Variants in CC2D2A observed in about 807,000 individuals in gnomAD.
The protein encoded by CC2D2A is coiled-coil and C2 domain-containing protein 2A.
In CC2D2A, 155 loss-of-function variants were observed where a neutral mutation model predicts 212.9. The ratio of observed to expected loss-of-function variants is 0.73; its 90% CI spans 0.64 to 0.83. The LOEUF is 0.83. Among genes scored for constraint, CC2D2A ranks in the 40% least tolerant of loss-of-function variants. The pLI, the probability that CC2D2A is intolerant of heterozygous loss-of-function variation, is 0.00. For synonymous variants in CC2D2A, 667 were observed against 686.5 expected, an observed-to-expected ratio of 0.97 and a Z score of 0.44; for missense variants, 1,856 against 1,956.2, an observed-to-expected ratio of 0.95 and a Z score of 0.97.
At position 15,537,933 on chromosome 4, in the gene CC2D2A, A is replaced by C. The variant is rs779393473; in HGVS notation, c.1799A>C (p.Glu600Ala). ...AAGAAGAAAAGGAAACAAGCAGCAG[A>C]AGAACATCCCGGTGATGAGATTGCA... ...AKKKKRKQAAEEHPGDEIAEP... is the reference protein window; with the variant it reads ...AKKKKRKQAAAEHPGDEIAEP... Residue 600 changes from glutamate (E) to alanine (A), a missense_variant, in exon 16 of 37, where the codon GAA (glutamate) becomes GCA (alanine). Glu to Ala is a moderately radical substitution (Grantham distance 107, BLOSUM62 -1). Transcript: ENST00000424120. 18 of 1,607,992 alleles carry C rather than the reference A, an allele frequency of 1.1e-5. No individual in the cohort carries two copies. The Admixed American group carries it at 1.5e-4, about 14-fold the overall frequency.
At chr4:15,567,114 C>T (rs570467185) in intron 24 of CC2D2A, among the ~76,000 whole-genome samples, 3 of 152,082 alleles carry the variant, frequency 2.0e-5, no homozygotes, top group East Asian at 3.9e-4. Flanking sequence ...AAAACCACAT[C>T]TTTACTAAAA....
chr4:15,586,299 T>C (rs991386218), intron 31 of CC2D2A, 53 bp downstream of exon 31: 7 of 1,107,006 alleles, frequency 6.3e-6, no homozygotes, highest in Non-Finnish European at 9.0e-6. Flanking sequence ...TAATGAAATA[T>C]TAGCTAACTG....
rs569279602 is a variant in CC2D2A, at chr4:15,555,569, T to C, written c.2625+359T>C. On this transcript the variant is annotated intron_variant, in intron 20 of 36. Transcript: ENST00000424120. ...GTCTGGGCAACATGGCGAAACCCTA[T>C]CTCTGCAAAAAATGTAAAAATGTGC... Among the ~76,000 whole-genome samples, 3 of 152,232 alleles carry C rather than the reference T, an allele frequency of 2.0e-5. No individual in the cohort carries two copies. In the South Asian group the frequency reaches 6.2e-4, roughly 32 times the overall value.
At chr4:15,510,039 G>A in intron 6 of CC2D2A, 100 bp from the exon 7 acceptor site, 1 of 851,048 alleles carries the variant, frequency 1.2e-6, no homozygotes. Context: ...GCAGCAGTCA[G>A]AAGATAAGCC....
chr4:15,574,059 A>C, intron 28 of CC2D2A, 91 bp from the exon 29 acceptor site: 1 of 1,157,454 alleles, frequency 8.6e-7, no homozygotes, highest in Non-Finnish European at 1.2e-6. Flanking sequence ...ATTTTGGTTC[A>C]ATTTATTAAA....
chr4:15,553,724 G>T (rs1436833934), intron 19 of CC2D2A, among the ~76,000 whole-genome samples: 7 of 152,120 alleles, frequency 4.6e-5, no homozygotes, highest in Non-Finnish European at 1.5e-5. Context: ...CTCCTCCCTT[G>T]ATCGCTATAT....
intron 8 of CC2D2A, among the ~76,000 whole-genome samples, chr4:15,512,876 C>T (rs916270268): frequency 3.3e-5 from 5 of 150,956 alleles, no homozygotes; most frequent in South Asian, 2.1e-4. Flanking sequence ...TACTTGAACA[C>T]GAGAGGCAGA....
chr4:15,563,501 C>T lies in CC2D2A; in HGVS notation c.3161C>T (p.Pro1054Leu). Residue 1054 changes from proline to leucine, a missense_variant, in exon 24 of 37, where the codon CCA becomes CTA. Pro to Leu is a moderately conservative substitution (Grantham distance 98, BLOSUM62 -3). This residue lies in a region of CC2D2A where 1,512 missense variants were observed against 1,579.3 expected (regional missense o/e 0.96). Coordinates refer to ENST00000424120, the MANE Select transcript of CC2D2A (RefSeq NM_001378615.1). ...AACATTGTGCGAGCTTACGACATTC[C>T]AGTGAGGAAGCCGGCAGTGAGGTGA... Reference protein sequence around the residue: ...LVNIVRAYDIPVRKPAVSKFQ... With the variant: ...LVNIVRAYDILVRKPAVSKFQ... The T allele has an allele frequency of 6.2e-7, 1 of 1,612,208 alleles. No homozygotes were observed. The highest frequency in any genetic ancestry group is 1.3e-5 in the African/African-American group (1 of 75,008).
rs200726469 is a variant in CC2D2A at position 15,481,744 on chromosome 4, A to C, written c.247+917A>C. ...CAGTCTCAGATATTCCTTTATAGCA[A>C]TGCAAAATGGACTAACAATACATAA... is the stretch of plus-strand genomic sequence containing the variant. On this transcript the variant is annotated intron_variant, in intron 4 of 36. Transcript: ENST00000424120. 1.1e-5 allele frequency: 11 copies of C among 970,888 alleles called. No individual in the cohort carries two copies. In the East Asian group the frequency reaches 1.0e-3, roughly 91 times the overall value. 60.1% of individuals were successfully genotyped at this position (970,888 alleles called of 1,614,324 possible).
At chr4:15,487,119 C>G (rs1271355322) in intron 4 of CC2D2A, among the ~76,000 whole-genome samples, 1 of 152,056 alleles carries the variant, frequency 6.6e-6, no homozygotes, top group Non-Finnish European at 1.5e-5. Context: ...GTGTATTCTG[C>G]AGCTGTTGGA....
At chr4:15,567,615 T>C in intron 25 of CC2D2A, 62 bp from the exon 26 acceptor site, 3 of 1,375,616 alleles carry the variant, frequency 2.2e-6, no homozygotes, top group Non-Finnish European at 3.0e-6. Flanking sequence ...TACTCTATTT[T>C]TGCTAAGAAT....
At chr4:15,510,851 A>C (rs567088700) in intron 7 of CC2D2A, among the ~76,000 whole-genome samples, 78 of 152,342 alleles carry the variant, frequency 5.1e-4, no homozygotes, top group Non-Finnish European at 8.1e-4. Flanking sequence ...GAAACAACAA[A>C]AAAAGGTCAT....
chr4:15,568,638 A>G (rs546246035), intron 26 of CC2D2A, among the ~76,000 whole-genome samples: 16 of 152,360 alleles, frequency 1.1e-4, no homozygotes, highest in African/African-American at 3.8e-4. Flanking sequence ...GGTAACAGCT[A>G]CCACTATTAT....
intron 33 of CC2D2A, among the ~76,000 whole-genome samples, chr4:15,593,817 G>A (rs1482606472): frequency 6.6e-6 from 1 of 152,122 alleles, no homozygotes; most frequent in South Asian, 2.1e-4. Flanking sequence ...CTCTCACCCA[G>A]ATTATTCAAA....
chr4:15,545,311 T>C (rs187838952), intron 17 of CC2D2A, among the ~76,000 whole-genome samples: 14 of 152,308 alleles, frequency 9.2e-5, no homozygotes, highest in African/African-American at 3.4e-4. Flanking sequence ...TTCTCAAAAC[T>C]ATAATGCATC....
intron 4 of CC2D2A, 58 bp from the exon 5 acceptor site, chr4:15,502,371 T>C (rs942882498): frequency 1.4e-6 from 2 of 1,384,494 alleles, no homozygotes; most frequent in Admixed American, 2.4e-5. Context: ...GTAATTTTCC[T>C]TTTTCTTTTC....
intron 23 of CC2D2A, among the ~76,000 whole-genome samples, chr4:15,562,330 G>A (rs901967902): frequency 2.6e-5 from 4 of 152,220 alleles, no homozygotes; most frequent in African/African-American, 9.6e-5. Flanking sequence ...TTCTTTGGCT[G>A]TTTCACACAG....
intron 4 of CC2D2A, among the ~76,000 whole-genome samples, chr4:15,493,244 T>A (rs368100259): frequency 1.8e-4 from 25 of 140,918 alleles, no homozygotes; most frequent in African/African-American, 5.9e-4. Context: ...CCACTTTATT[T>A]ATTATTTATT....
Position 15,470,917 on chromosome 4 carries a change from G to A in CC2D2A, c.-19+860G>A, listed in dbSNP as rs1257897962. 2.0e-5 allele frequency among the ~76,000 whole-genome samples: 3 copies of A among 151,894 alleles called. No individual in the cohort carries two copies. The East Asian group carries it at 5.8e-4, about 29-fold the overall frequency. On this transcript the variant is annotated intron_variant, in intron 1 of 36. Coordinates refer to ENST00000424120, the MANE Select transcript of CC2D2A (RefSeq NM_001378615.1). ...GTACAATGAGCTAAGTGCCATAAGA[G>A]ATTTATAAAAACACTGAGAGGACAG... is the stretch of plus-strand genomic sequence containing the variant.
Sources: allele counts gnomAD v4.1 joint callset (sites outside exome capture counted in the v4.1 genomes callset), GRCh38; gene constraint gnomAD v4.1.1; regional missense constraint gnomAD v4.1.1; transcripts MANE v1.5; gene names NCBI Gene and HGNC (gene_info 2026-07-23, HGNC 2026-07-21).